OSBPL10: variants seen among roughly 807,000 people sequenced by gnomAD.
OSBPL10 encodes oxysterol-binding protein-related protein 10.
A neutral mutation model predicts 81.7 loss-of-function variants in OSBPL10; 49 were observed. The observed-to-expected ratio is 0.60, with a 90% confidence interval of 0.48 to 0.76. OSBPL10 has a LOEUF of 0.76. Among genes scored for constraint, OSBPL10 ranks in the 30% least tolerant of loss-of-function variants. The probability of loss-of-function intolerance (pLI) is 0.00; values close to 1 mark genes in which losing one functional copy is unlikely to be tolerated. For synonymous variants in OSBPL10, 419 were observed against 383.6 expected (o/e 1.09, Z -1.08); for missense variants, 923 against 987.8 (o/e 0.93, Z 0.88).
intron 1 of OSBPL10, among the ~76,000 whole-genome samples, chr3:31,892,210 G>T (rs1312102889): frequency 1.3e-5 from 2 of 152,016 alleles, no homozygotes; most frequent in Non-Finnish European, 2.9e-5. Flanking sequence ...ATGGCCCTGA[G>T]GACGGAGTGG....
chr3:32,013,703 C>T (rs1238875434), intron 2 of OSBPL10, among the ~76,000 whole-genome samples: 11 of 151,880 alleles, frequency 7.2e-5, no homozygotes, highest in Non-Finnish European at 1.6e-4. Context: ...GCTAGCAAGA[C>T]TAATAAAGAA....
At chr3:31,746,037 A>C (rs1221602639) in intron 5 of OSBPL10, among the ~76,000 whole-genome samples, 1 of 152,154 alleles carries the variant, frequency 6.6e-6, no homozygotes, top group African/African-American at 2.4e-5. Context: ...TTATTCTGTT[A>C]ATTATACTTT....
chr3:31,753,942 G>T (rs1020376924), intron 4 of OSBPL10, among the ~76,000 whole-genome samples: 4 of 152,126 alleles, frequency 2.6e-5, no homozygotes, highest in Non-Finnish European at 5.9e-5. Flanking sequence ...TTAACAAATT[G>T]TAAGTTGATA....
In OSBPL10 at chr3:31,972,050, A is replaced by G. The variant is rs146565889; in HGVS notation, c.281+8849T>C. ...GGCATAATTTCAAGCAAAGAGGAGT[A>G]TGTTTGGGGGATGGTGCTGCCACCT... On this transcript the variant is annotated intron_variant, in intron 1 of 11. Transcript: ENST00000396556. 5.7e-3 allele frequency among the ~76,000 whole-genome samples: 864 copies of G among 152,318 alleles called. 8 individuals carry two copies. Among genetic ancestry groups the G allele is most frequent in the Middle Eastern group, 0.054 (16 of 294 alleles).
chr3:31,786,359 C>A (rs979808808), intron 4 of OSBPL10, among the ~76,000 whole-genome samples: 2 of 152,144 alleles, frequency 1.3e-5, no homozygotes, highest in African/African-American at 4.8e-5. Context: ...TTTTAAAAAG[C>A]CTTCTCCATC....
At position 31,990,115 on chromosome 3, in the gene OSBPL10, G is replaced by A. The variant is rs1178699485; in HGVS notation, n.298+56376C>T. 3 of 1,611,668 alleles carry A rather than the reference G, an allele frequency of 1.9e-6. No individual in the cohort carries two copies. Among genetic ancestry groups the A allele is most frequent in the Non-Finnish European group, 8.5e-7 (1 of 1,178,602 alleles). ...TGGAGAGAAACCATACAAATGTAAG[G>A]TTTGTGAAAAGGCTTTCAGGCGTGA... is the stretch of plus-strand genomic sequence containing the variant. On this transcript the variant is annotated intron_variant and non_coding_transcript_variant, in intron 2 of 3. Coordinates refer to the OSBPL10 transcript ENST00000479173.
In OSBPL10 at chr3:31,915,203, A is replaced by G. The variant is rs796336635; in HGVS notation, c.282-35373T>C. On this transcript the variant is annotated intron_variant, in intron 1 of 11. Coordinates refer to ENST00000396556, the MANE Select transcript of OSBPL10 (RefSeq NM_017784.5). ...TAGCCATTGAATGGTAACAGGGGGGAAAAAAAACCATTACCATGAATAAAA... is the reference window on the plus strand; with the variant it reads ...TAGCCATTGAATGGTAACAGGGGGGGAAAAAAACCATTACCATGAATAAAA... Among the ~76,000 whole-genome samples the G allele has an allele frequency of 6.6e-3, 995 of 150,246 alleles. 9 individuals carry two copies. Among genetic ancestry groups the G allele is most frequent in the African/African-American group, 0.022 (921 of 41,080 alleles).
At chr3:32,057,227 G>A (rs1013865448) in intron 1 of OSBPL10, among the ~76,000 whole-genome samples, 8 of 152,158 alleles carry the variant, frequency 5.3e-5, no homozygotes, top group African/African-American at 1.9e-4. Context: ...CTATGGAGTA[G>A]CCATTCTTTT....
At chr3:31,752,416 A>C (rs1697750124) in intron 4 of OSBPL10, among the ~76,000 whole-genome samples, 1 of 152,228 alleles carries the variant, frequency 6.6e-6, no homozygotes, top group East Asian at 1.9e-4. Flanking sequence ...AATTTCAGAG[A>C]TACAATCACC....
intron 1 of OSBPL10, among the ~76,000 whole-genome samples, chr3:32,048,308 CT>C (rs1355520861): frequency 5.1e-5 from 4 of 78,504 alleles, no homozygotes; most frequent in Non-Finnish European, 7.0e-5. Flanking sequence ...GACACTACTA[CT>C]ATTTTTTTTT....
At chr3:31,826,417 G>T (rs1700101369) in intron 4 of OSBPL10, among the ~76,000 whole-genome samples, 1 of 152,084 alleles carries the variant, frequency 6.6e-6, no homozygotes, top group South Asian at 2.1e-4. Flanking sequence ...GAGGATGCTG[G>T]GTTCCGACCT....
At chr3:31,879,244 G>C (rs1413538801) in intron 2 of OSBPL10, among the ~76,000 whole-genome samples, 1 of 152,114 alleles carries the variant, frequency 6.6e-6, no homozygotes, top group Non-Finnish European at 1.5e-5. Flanking sequence ...ACTTTACTAA[G>C]AAACGGTTCT....
chr3:31,727,274 G>A (rs1004797226), intron 6 of OSBPL10, among the ~76,000 whole-genome samples: 2 of 152,094 alleles, frequency 1.3e-5, no homozygotes, highest in African/African-American at 2.4e-5. Context: ...TATCAATTTT[G>A]CGTCAACCTA....
intron 4 of OSBPL10, among the ~76,000 whole-genome samples, chr3:31,750,815 T>C (rs971100203): frequency 2.0e-5 from 3 of 152,188 alleles, no homozygotes; most frequent in African/African-American, 7.2e-5. Context: ...AGCCATAAAC[T>C]ATACGGTATA....
At chr3:31,893,745 G>C (rs1038586674) in intron 1 of OSBPL10, among the ~76,000 whole-genome samples, 12 of 152,182 alleles carry the variant, frequency 7.9e-5, no homozygotes, top group South Asian at 4.1e-4. Context: ...AAAGGAGCCA[G>C]ATGAAAAACA....
rs774821808 is a variant in OSBPL10 at position 32,070,817 on chromosome 3, G to A, written n.185+6579C>T. Among the ~76,000 whole-genome samples, 3 of 151,788 alleles carry A rather than the reference G, an allele frequency of 2.0e-5. 1 individual carries two copies. Among genetic ancestry groups the A allele is most frequent in the South Asian group, 4.2e-4 (2 of 4,796 alleles). ...ACCTTCCTCCACAACTCACTATTCC[G>A]TTCTTGATCTTAAAGATGTTTTTTT... On this transcript the variant is annotated intron_variant and non_coding_transcript_variant, in intron 1 of 3. Transcript: ENST00000479173.
intron 4 of OSBPL10, among the ~76,000 whole-genome samples, chr3:31,813,938 G>A (rs1219115890): frequency 6.6e-6 from 1 of 152,228 alleles, no homozygotes; most frequent in Non-Finnish European, 1.5e-5. Flanking sequence ...ACCACACAAA[G>A]CAGGAATACA....
intron 1 of OSBPL10, among the ~76,000 whole-genome samples, chr3:31,949,576 G>A (rs1347875479): frequency 2.8e-5 from 4 of 144,960 alleles, no homozygotes; most frequent in African/African-American, 1.0e-4. Context: ...GCTGAGGCAG[G>A]AGAATCACGT....
chr3:31,795,509 G>A (rs1026967005), intron 4 of OSBPL10: 17 of 183,682 alleles, frequency 9.3e-5, no homozygotes, highest in African/African-American at 3.9e-4. Flanking sequence ...AGAGAAGGAT[G>A]TTACGTGTGC....
Sources: gnomAD v4.1 joint callset for allele counts (sites outside exome capture counted in the v4.1 genomes callset) on GRCh38, gnomAD v4.1.1 for gene constraint, MANE v1.5 for transcripts, NCBI Gene and HGNC (gene_info 2026-07-23, HGNC 2026-07-21) for gene names.